OR2AG1: variants seen among roughly 807,000 people sequenced by gnomAD.
OR2AG1 encodes the protein olfactory receptor family 2 subfamily AG member 1.
For synonymous variants in OR2AG1, 157 were observed against 155.6 expected, an observed-to-expected ratio of 1.01 and a Z score of -0.07; for missense variants, 391 against 385.9, an observed-to-expected ratio of 1.01 and a Z score of -0.11.
chr11:6,786,182 C>T lies in OR2AG1; in HGVS notation c.*194C>T, dbSNP rs1048545780. On this transcript the variant is annotated 3_prime_UTR_variant, in exon 2 of 2. Coordinates refer to ENST00000641258, the MANE Select transcript of OR2AG1 (RefSeq NM_001004489.3). ...GAAGTAATTTATAGGGCATGATTTA[C>T]ACTATCTAAAATTACTCTTCACTCT... 5.5e-5 allele frequency: 29 copies of T among 530,276 alleles called. No homozygotes were observed. In the African/African-American group the frequency reaches 5.6e-4, roughly 10 times the overall value. The allele number at this position is 530,276 out of a possible 1,614,324, so 32.8% of individuals were successfully genotyped here.
At position 6,785,726 on chromosome 11, in the gene OR2AG1, C is replaced by G; in HGVS notation, c.689C>G (p.Ser230Ter). The change falls in exon 2 of 2, where the codon TCA becomes TGA. Residue 230 changes from serine to a stop codon, truncating the protein, a stop_gained. Transcript: ENST00000641258. LOFTEE classifies it high-confidence loss of function. ...CTACTCACTGTGCTCCATATGCCAT[C>G]AAATGAGGGGAGGAAGAAAGCCCTT... is the stretch of plus-strand genomic sequence containing the variant. ...QILLTVLHMP[S>*]NEGRKKALVT... The G allele has an allele frequency of 6.2e-7, 1 of 1,614,142 alleles. No individual in the cohort carries two copies. Among genetic ancestry groups the G allele is most frequent in the African/African-American group, 1.3e-5 (1 of 75,040 alleles).
At chr11:6,784,651 T>C (rs1198059004) in intron 1 of OR2AG1, among the ~76,000 whole-genome samples, 1 of 152,216 alleles carries the variant, frequency 6.6e-6, no homozygotes, top group African/African-American at 2.4e-5. Flanking sequence ...TCAAAACAAG[T>C]CTATGAAGAA....
rs1049936150 is a variant in OR2AG1, at chr11:6,787,127, G to A, written c.*1139G>A. The A allele has an allele frequency of 6.6e-6, 1 of 152,146 alleles. No individual in the cohort carries two copies. Among genetic ancestry groups the A allele is most frequent in the Non-Finnish European group, 1.5e-5 (1 of 67,994 alleles). The allele number at this position is 152,146 out of a possible 1,614,324, so 9.4% of individuals were successfully genotyped here. ...TATATCATGTTTGGAAGGCAAGGCT[G>A]AGTAGAGATAATTCCTACACGTATT... On this transcript the variant is annotated 3_prime_UTR_variant, in exon 2 of 2. Transcript: ENST00000641258.
Position 6,786,316 on chromosome 11 carries a change from A to AC in OR2AG1, c.*328_*329insC. On this transcript the variant is annotated 3_prime_UTR_variant, in exon 2 of 2. Coordinates refer to ENST00000641258, the MANE Select transcript of OR2AG1 (RefSeq NM_001004489.3). ...GTTTATATTGGATCAGGGAAAGGAA[A>AC]AGAACCAGAGAAAGGAAAGTTTCAA... The AC allele has an allele frequency of 5.0e-6, 1 of 200,410 alleles. No individual in the cohort carries two copies. The allele number at this position is 200,410 out of a possible 1,614,324, so 12.4% of individuals were successfully genotyped here. A position where few individuals can be genotyped will look rare whatever the true frequency, so the allele number is the denominator to read the frequency against.
In OR2AG1 at chr11:6,790,860, G is replaced by C. The variant is rs1185135995; in HGVS notation, c.*4872G>C. Reference sequence around the variant, plus strand: ...TGACAAGAGGCCCCACCACTGCTTTGGACTCCAGGAAGCACTCAGACATTA... The same window carrying C: ...TGACAAGAGGCCCCACCACTGCTTTCGACTCCAGGAAGCACTCAGACATTA... On this transcript the variant is annotated 3_prime_UTR_variant, in exon 2 of 2. Transcript: ENST00000641258. 6.6e-6 allele frequency: 1 copy of C among 152,220 alleles called. No individual in the cohort carries two copies. The highest frequency in any genetic ancestry group is 1.9e-4 in the East Asian group (1 of 5,196). The allele number at this position is 152,220 out of a possible 1,614,324, so 9.4% of individuals were successfully genotyped here.
chr11:6,785,822 C>T lies in OR2AG1; in HGVS notation c.785C>T (p.Pro262Leu), dbSNP rs753276929. ...YGAATFMYVLPSSFHSTRQDN... is the reference protein window; with the variant it reads ...YGAATFMYVLLSSFHSTRQDN... ...GCTGCCACATTCATGTATGTCTTGC[C>T]CAGTTCCTTCCACAGCACCAGACAA... is the stretch of plus-strand genomic sequence containing the variant. The change falls in exon 2 of 2, where the codon CCC (proline) becomes CTC (leucine). Residue 262 changes from proline (P) to leucine (L), a missense_variant. Pro to Leu is a moderately conservative substitution (Grantham distance 98). Transcript: ENST00000641258. The T allele has an allele frequency of 2.5e-6, 4 of 1,614,002 alleles. No homozygotes were observed. In the African/African-American group the frequency reaches 5.3e-5, roughly 22 times the overall value.
rs546498991 is a variant in OR2AG1 at position 6,783,712 on chromosome 11, G to A, written c.-21+241G>A. 1.8e-4 allele frequency among the ~76,000 whole-genome samples: 27 copies of A among 152,300 alleles called. No homozygotes were observed. The South Asian group carries it at 4.1e-3, about 23-fold the overall frequency. On this transcript the variant is annotated intron_variant, in intron 1 of 1. Transcript: ENST00000641258. ...GGGTATCTGCTTCCTGGTGGAAATC[G>A]CAATACTTGTCTTTAGACCCTGTGT...
At position 6,789,907 on chromosome 11, in the gene OR2AG1, A is replaced by G. The variant is rs902455084; in HGVS notation, c.*3919A>G. Reference sequence around the variant, plus strand: ...GATTCCCACTTCTGACTATATATCCAAAGGTAATTAAATCGCTGTTTCCAA... The same window carrying G: ...GATTCCCACTTCTGACTATATATCCGAAGGTAATTAAATCGCTGTTTCCAA... On this transcript the variant is annotated 3_prime_UTR_variant, in exon 2 of 2. Coordinates refer to ENST00000641258, the MANE Select transcript of OR2AG1 (RefSeq NM_001004489.3). 1 of 152,236 alleles carries G rather than the reference A, an allele frequency of 6.6e-6. No homozygotes were observed. The highest frequency in any genetic ancestry group is 2.4e-5 in the African/African-American group (1 of 41,450). The allele number at this position is 152,236 out of a possible 1,614,324, so 9.4% of individuals were successfully genotyped here.
chr11:6,785,250 C>T lies in OR2AG1; in HGVS notation c.213C>T (p.Leu71=). The T allele has an allele frequency of 1.2e-6, 2 of 1,614,144 alleles. No individual in the cohort carries two copies. Among genetic ancestry groups the T allele is most frequent in the Non-Finnish European group, 1.7e-6 (2 of 1,180,012 alleles). ...TTGGGCAGCTCTCTCTCATGGACCT[C>T]CTGTTCACATCTGTTGTCACTCCCA... ...LLLGQLSLMD[L]LFTSVVTPKA... Residue 71 remains leucine, a synonymous_variant, in exon 2 of 2, where the codon CTC becomes CTT. Coordinates refer to ENST00000641258, the MANE Select transcript of OR2AG1 (RefSeq NM_001004489.3).
At position 6,785,784 on chromosome 11, in the gene OR2AG1, G is replaced by A. The variant is rs1394322467; in HGVS notation, c.747G>A (p.Gly249=). ...VTCSSHLTVV[G]MFYGAATFMY... is the part of the protein sequence containing the mutation. ...GCTCTTCCCACCTGACTGTGGTTGGGATGTTCTATGGAGCTGCCACATTCA... is the reference window on the plus strand; with the variant it reads ...GCTCTTCCCACCTGACTGTGGTTGGAATGTTCTATGGAGCTGCCACATTCA... Residue 249 remains glycine (G), a synonymous_variant, in exon 2 of 2, where the codon GGG becomes GGA. Coordinates refer to ENST00000641258, the MANE Select transcript of OR2AG1 (RefSeq NM_001004489.3). 3.7e-6 allele frequency: 6 copies of A among 1,614,030 alleles called. 1 individual carries two copies. The South Asian group carries it at 5.5e-5, about 15-fold the overall frequency.
At chr11:6,784,580 G>A (rs1026078335) in intron 1 of OR2AG1, among the ~76,000 whole-genome samples, 1 of 152,102 alleles carries the variant, frequency 6.6e-6, no homozygotes, top group African/African-American at 2.4e-5. Context: ...TAAGTTCTAC[G>A]GAAAAAGAAG....
chr11:6,786,038 A>T lies in OR2AG1; in HGVS notation c.*50A>T, dbSNP rs754723349. The T allele has an allele frequency of 7.1e-6, 10 of 1,409,656 alleles. No individual in the cohort carries two copies. In the East Asian group the frequency reaches 2.3e-4, roughly 32 times the overall value. 87.3% of individuals were successfully genotyped at this position (1,409,656 alleles called of 1,614,324 possible). A position where few individuals can be genotyped will look rare whatever the true frequency, so the allele number is the denominator to read the frequency against. ...AATTCCTTCTCCTGAGAGTCAAAAG[A>T]TTCATGTTATGAATCAAATACTAAT... On this transcript the variant is annotated 3_prime_UTR_variant, in exon 2 of 2. Transcript: ENST00000641258.
In OR2AG1 at chr11:6,787,872, C is replaced by T. The variant is rs1239266722; in HGVS notation, c.*1884C>T. The T allele has an allele frequency of 6.6e-6, 1 of 151,994 alleles. No individual in the cohort carries two copies. Among genetic ancestry groups the T allele is most frequent in the African/African-American group, 2.4e-5 (1 of 41,398 alleles). The allele number at this position is 151,994 out of a possible 1,614,324, so 9.4% of individuals were successfully genotyped here. On this transcript the variant is annotated 3_prime_UTR_variant, in exon 2 of 2. Coordinates refer to ENST00000641258, the MANE Select transcript of OR2AG1 (RefSeq NM_001004489.3). ...AATGTTAAATATTTTGCATTCTTAC[C>T]AGCAACATATAAGTGTACTTAGCCC... is the stretch of plus-strand genomic sequence containing the variant.
chr11:6,784,106 C>A (rs1430766863), intron 1 of OR2AG1, among the ~76,000 whole-genome samples: 1 of 152,188 alleles, frequency 6.6e-6, no homozygotes, highest in South Asian at 2.1e-4. Flanking sequence ...AAAGCAGTTC[C>A]TCCCTATTCC....
rs1318912858 is a variant in OR2AG1 at position 6,787,584 on chromosome 11, T to C, written c.*1596T>C. ...CTGAAAATACTGTTGAGTGATGGTA[T>C]AATGTTACATCATATGGGTGTTTTG... On this transcript the variant is annotated 3_prime_UTR_variant, in exon 2 of 2. Coordinates refer to ENST00000641258, the MANE Select transcript of OR2AG1 (RefSeq NM_001004489.3). 1 of 151,940 alleles carries C rather than the reference T, an allele frequency of 6.6e-6. No individual in the cohort carries two copies. The highest frequency in any genetic ancestry group is 1.5e-5 in the Non-Finnish European group (1 of 67,948). The allele number at this position is 151,940 out of a possible 1,614,324, so 9.4% of individuals were successfully genotyped here.
At position 6,788,829 on chromosome 11, in the gene OR2AG1, C is replaced by T. The variant is rs1262428235; in HGVS notation, c.*2841C>T. ...TTTTCCCTCATTATAACTGCTTGAA[C>T]CCGGGAGGCAGAGACTGCAGTGAGC... is the stretch of plus-strand genomic sequence containing the variant. On this transcript the variant is annotated 3_prime_UTR_variant, in exon 2 of 2. Transcript: ENST00000641258. 6.6e-6 allele frequency: 1 copy of T among 151,828 alleles called. No individual in the cohort carries two copies. The highest frequency in any genetic ancestry group is 6.6e-5 in the Admixed American group (1 of 15,204). 9.4% of individuals were successfully genotyped at this position (151,828 alleles called of 1,614,324 possible). A position where few individuals can be genotyped will look rare whatever the true frequency, so the allele number is the denominator to read the frequency against.
At position 6,788,252 on chromosome 11, in the gene OR2AG1, A is replaced by C. The variant is rs1472140890; in HGVS notation, c.*2264A>C. 2 of 152,118 alleles carry C rather than the reference A, an allele frequency of 1.3e-5. No individual in the cohort carries two copies. The highest frequency in any genetic ancestry group is 4.8e-5 in the African/African-American group (2 of 41,442). 9.4% of individuals were successfully genotyped at this position (152,118 alleles called of 1,614,324 possible). A position where few individuals can be genotyped will look rare whatever the true frequency, so the allele number is the denominator to read the frequency against. On this transcript the variant is annotated 3_prime_UTR_variant, in exon 2 of 2. Coordinates refer to ENST00000641258, the MANE Select transcript of OR2AG1 (RefSeq NM_001004489.3). ...TCTTTGCTGTGCATCATACAGTTCA[A>C]TTTAGGTAACAATTTATATATTTTA...
Position 6,783,196 on chromosome 11 carries a change from T to C in OR2AG1, c.-296T>C, listed in dbSNP as rs933349123. 6.6e-6 allele frequency: 1 copy of C among 152,252 alleles called. No homozygotes were observed. The highest frequency in any genetic ancestry group is 2.4e-5 in the African/African-American group (1 of 41,460). 9.4% of individuals were successfully genotyped at this position (152,252 alleles called of 1,614,324 possible). ...ACAAGAAAGTAATCTTCTTCCTATATAGGAAACTACCCAAATTCTGTATTA... is the reference window on the plus strand; with the variant it reads ...ACAAGAAAGTAATCTTCTTCCTATACAGGAAACTACCCAAATTCTGTATTA... On this transcript the variant is annotated 5_prime_UTR_variant, in exon 1 of 2. Coordinates refer to ENST00000641258, the MANE Select transcript of OR2AG1 (RefSeq NM_001004489.3).
chr11:6,783,799 C>A (rs560947268), intron 1 of OR2AG1, among the ~76,000 whole-genome samples: 1 of 152,252 alleles, frequency 6.6e-6, no homozygotes, highest in Non-Finnish European at 1.5e-5. Context: ...CCTAAAGGGC[C>A]ATCTAAAAAG....
Sources: gnomAD v4.1 joint callset for allele counts (sites outside exome capture counted in the v4.1 genomes callset) on GRCh38, gnomAD v4.1.1 for gene constraint, MANE v1.5 for transcripts, NCBI Gene and HGNC (gene_info 2026-07-23, HGNC 2026-07-21) for gene names.